NPR3: variants seen among roughly 807,000 people sequenced by gnomAD.
The protein encoded by NPR3 is atrial natriuretic peptide receptor 3.
NPR3 carries 34 observed loss-of-function variants against 54.5 expected under a neutral mutation model. The ratio of observed to expected loss-of-function variants is 0.62; its 90% CI spans 0.47 to 0.83. NPR3 has a LOEUF of 0.83. NPR3 is among the 40% of genes least tolerant of loss of function. NPR3 has a pLI of 0.00. For missense variants in NPR3, 674 were observed against 720.8 expected (o/e 0.94, Z 0.74); for synonymous variants, 289 against 297.1 (o/e 0.97, Z 0.28).
intron 2 of NPR3, among the ~76,000 whole-genome samples, chr5:32,733,509 T>C (rs1739574524): frequency 1.3e-5 from 2 of 152,196 alleles, no homozygotes; most frequent in Admixed American, 6.5e-5. Flanking sequence ...ACTGCTATTA[T>C]TGTAGAGCTT....
intron 3 of NPR3, among the ~76,000 whole-genome samples, chr5:32,772,049 A>T (rs951767510): frequency 2.0e-5 from 3 of 152,190 alleles, no homozygotes; most frequent in African/African-American, 7.2e-5. Flanking sequence ...AGCCATAATG[A>T]CTTCATGGCC....
rs1191815267 is a variant in NPR3 at position 32,780,741 on chromosome 5, C to T, written c.1215C>T (p.Ser405=). ...CTGTAGGTATCGCCGGGCAGGTGTC[C>T]ATAGATGCCAACGGAGACCGATATG... ...RTFEGIAGQV[S]IDANGDRYGD... The change falls in exon 5 of 8, where the codon TCC becomes TCT. Residue 405 remains serine, a synonymous_variant. Coordinates refer to ENST00000265074, the MANE Select transcript of NPR3 (RefSeq NM_001204375.2). 1 of 1,575,860 alleles carries T rather than the reference C, an allele frequency of 6.3e-7. No homozygotes were observed. Among genetic ancestry groups the T allele is most frequent in the Non-Finnish European group, 8.7e-7 (1 of 1,145,342 alleles).
chr5:32,706,346 A>G (rs192846046), upstream of NPR3, among the ~76,000 whole-genome samples: 61 of 152,304 alleles, frequency 4.0e-4, 1 homozygote, highest in East Asian at 1.9e-4. Context: ...CCTTATTTCA[A>G]TGCAAAAATG....
intron 7 of NPR3, among the ~76,000 whole-genome samples, chr5:32,785,138 ATTTTTTTTTTTTT>A (rs11427729): frequency 6.6e-5 from 6 of 90,900 alleles, no homozygotes; most frequent in East Asian, 3.2e-4. Flanking sequence ...TTGATCACAG[ATTTTTTTTTTTTT>A]TTTTTTTTTT....
At chr5:32,700,716 G>A (rs1740645831) in intron 1 of NPR3, among the ~76,000 whole-genome samples, 1 of 152,152 alleles carries the variant, frequency 6.6e-6, no homozygotes, top group African/African-American at 2.4e-5. Context: ...TCCCTGCCAA[G>A]GACATGAACT....
intron 1 of NPR3, among the ~76,000 whole-genome samples, chr5:32,693,285 T>C (rs1481617211): frequency 6.6e-6 from 1 of 152,236 alleles, no homozygotes; most frequent in Non-Finnish European, 1.5e-5. Flanking sequence ...TTCCTTTTAT[T>C]GTTTCGTTCT....
rs183029934 is a variant in NPR3 at position 32,752,335 on chromosome 5, A to G, written c.1059+13305A>G. Among the ~76,000 whole-genome samples the G allele has an allele frequency of 1.5e-3, 232 of 152,380 alleles. 4 individuals are homozygous for G. Among genetic ancestry groups the G allele is most frequent in the Non-Finnish European group, 9.7e-4 (66 of 68,032 alleles). On this transcript the variant is annotated intron_variant, in intron 3 of 7. Coordinates refer to ENST00000265074, the MANE Select transcript of NPR3 (RefSeq NM_001204375.2). ...TATTTGAAAAGTTATCAGATCATCA[A>G]TAAAATCTTGGCCAGACACTTCCTG...
chr5:32,744,731 T>G (rs12514287), intron 3 of NPR3, among the ~76,000 whole-genome samples: 1 of 152,040 alleles, frequency 6.6e-6, no homozygotes, highest in African/African-American at 2.4e-5. Flanking sequence ...AACTCAAACA[T>G]CACTTCCTCA....
rs552730632 is a variant in NPR3 at position 32,727,717 on chromosome 5, G to T, written c.892+2897G>T. 7.2e-5 allele frequency among the ~76,000 whole-genome samples: 11 copies of T among 152,160 alleles called. No individual in the cohort carries two copies. The South Asian group carries it at 2.3e-3, about 32-fold the overall frequency. On this transcript the variant is annotated intron_variant, in intron 2 of 7. Coordinates refer to ENST00000265074, the MANE Select transcript of NPR3 (RefSeq NM_001204375.2). ...TTATGTAGAGAAGCAATGAGTTCTT[G>T]TTTATTTATTTTGCAAGAATTCTAC... is the stretch of plus-strand genomic sequence containing the variant.
rs58571040 is a variant in NPR3, at chr5:32,698,124, A to G, written c.100+8938A>G. ...CTACTTTTTTTTGATGTAGGTGCTT[A>G]TAGCTATAGACTTTCCTCTTAGTAC... On this transcript the variant is annotated intron_variant, in intron 1 of 5. Transcript: ENST00000509104. Among the ~76,000 whole-genome samples the G allele has an allele frequency of 3.0e-4, 45 of 152,030 alleles. 1 individual carries two copies. The East Asian group carries it at 8.7e-3, about 29-fold the overall frequency.
At chr5:32,705,123 T>C (rs1200205773), upstream of NPR3, among the ~76,000 whole-genome samples, 1 of 152,192 alleles carries the variant, frequency 6.6e-6, no homozygotes, top group Non-Finnish European at 1.5e-5. Flanking sequence ...AGGGGAAACA[T>C]TAAATTTACA....
At chr5:32,720,166 G>A (rs1182880547) in intron 1 of NPR3, among the ~76,000 whole-genome samples, 2 of 152,166 alleles carry the variant, frequency 1.3e-5, no homozygotes, top group East Asian at 1.9e-4. Flanking sequence ...GACAAAAGAA[G>A]CCCATGATGT....
At chr5:32,769,647 G>A (rs1303310967) in intron 3 of NPR3, among the ~76,000 whole-genome samples, 1 of 152,192 alleles carries the variant, frequency 6.6e-6, no homozygotes, top group Non-Finnish European at 1.5e-5. Flanking sequence ...ACTACTGTGT[G>A]CTATGCTTGT....
Position 32,788,508 on chromosome 5 carries a change from T to C in NPR3, c.*2163T>C, listed in dbSNP as rs1287948096. ...TTTTAGAGATATTCATTTTCTCTTA[T>C]CTTGTGCTTGTAAAAAGCATTTACA... On this transcript the variant is annotated 3_prime_UTR_variant, in exon 8 of 8. Transcript: ENST00000265074. 6.6e-6 allele frequency: 1 copy of C among 152,250 alleles called. No homozygotes were observed. The highest frequency in any genetic ancestry group is 1.5e-5 in the Non-Finnish European group (1 of 68,046). The allele number at this position is 152,250 out of a possible 1,614,324, so 9.4% of individuals were successfully genotyped here.
At chr5:32,710,890 GTATA>G (rs1217295128), upstream of NPR3, 3 of 852,832 alleles carry the variant, frequency 3.5e-6, no homozygotes, top group Non-Finnish European at 3.2e-6. Context: ...GTGTGTGTGT[GTATA>G]TGTGTGTGTG....
intron 3 of NPR3, among the ~76,000 whole-genome samples, chr5:32,765,102 T>C (rs1402721982): frequency 6.6e-6 from 1 of 152,140 alleles, no homozygotes; most frequent in African/African-American, 2.4e-5. Flanking sequence ...TGTTACTAGG[T>C]TGGTGCATTA....
chr5:32,787,435 T>A lies in NPR3; in HGVS notation c.*1090T>A, dbSNP rs1029526505. 6.6e-6 allele frequency: 1 copy of A among 152,210 alleles called. No homozygotes were observed. Among genetic ancestry groups the A allele is most frequent in the Non-Finnish European group, 1.5e-5 (1 of 68,036 alleles). 9.4% of individuals were successfully genotyped at this position (152,210 alleles called of 1,614,324 possible). A position where few individuals can be genotyped will look rare whatever the true frequency, so the allele number is the denominator to read the frequency against. ...ATCAAGAGTAAAAAGTTATTAGAAT[T>A]AAACAGTTTTATAAAGGGAGGCAGC... is the stretch of plus-strand genomic sequence containing the variant. On this transcript the variant is annotated 3_prime_UTR_variant, in exon 8 of 8. Transcript: ENST00000265074.
At chr5:32,710,884 GTGTGTGTATA>G, upstream of NPR3, 1 of 1,031,102 alleles carries the variant, frequency 9.7e-7, no homozygotes, top group Non-Finnish European at 1.3e-6. Context: ...TGCACGGTGT[GTGTGTGTATA>G]TGTGTGTGTG....
intron 1 of NPR3, among the ~76,000 whole-genome samples, chr5:32,720,086 C>A (rs945023579): frequency 1.3e-5 from 2 of 152,176 alleles, no homozygotes; most frequent in African/African-American, 4.8e-5. Context: ...CAGAATTAGG[C>A]AGGAATATCT....
Sources: allele counts gnomAD v4.1 joint callset (sites outside exome capture counted in the v4.1 genomes callset), GRCh38; gene constraint gnomAD v4.1.1; transcripts MANE v1.5; gene names NCBI Gene and HGNC (gene_info 2026-07-23, HGNC 2026-07-21).